The following KCNN2 variants were observed in gnomAD, a reference collection of about 807,000 sequenced individuals.
The protein encoded by KCNN2 is potassium calcium-activated channel subfamily N member 2, also known as small conductance calcium-activated potassium channel protein 2.
KCNN2 carries 24 observed loss-of-function variants against 55.5 expected under a neutral mutation model. The observed-to-expected ratio is 0.43, with a 90% CI of 0.31 to 0.61. The LOEUF is 0.61. Among genes scored for constraint, KCNN2 ranks in the 20% least tolerant of loss-of-function variants. The probability of loss-of-function intolerance (pLI) is 0.08; values close to 1 mark genes in which losing one functional copy is unlikely to be tolerated. For missense variants in KCNN2, 754 were observed against 853.6 expected (o/e 0.88, Z 1.45); for synonymous variants, 431 against 336.1 (o/e 1.28, Z -3.09).
chr5:114,199,400 T>G (rs776325595), intron 1 of KCNN2, among the ~76,000 whole-genome samples: 4 of 152,140 alleles, frequency 2.6e-5, no homozygotes, highest in Non-Finnish European at 5.9e-5. Context: ...AAGTGAAGCA[T>G]TTAATCCATT....
intron 5 of KCNN2, 22 bp from the exon 6 acceptor site, chr5:114,487,028 G>A (rs761304837): frequency 1.2e-6 from 2 of 1,611,920 alleles, no homozygotes; most frequent in African/African-American, 1.3e-5. Flanking sequence ...TTTATCAACT[G>A]CTTTGTTTGT....
intron 1 of KCNN2, among the ~76,000 whole-genome samples, chr5:114,196,972 AT>A (rs1753570493): frequency 6.6e-6 from 1 of 152,100 alleles, no homozygotes; most frequent in South Asian, 2.1e-4. Context: ...TAATAGAAGC[AT>A]TTACAGTTAT....
chr5:114,088,184 C>T (rs1396292132), intron 1 of KCNN2, among the ~76,000 whole-genome samples: 1 of 152,090 alleles, frequency 6.6e-6, no homozygotes. Flanking sequence ...CAGAATTTTA[C>T]AAACAGACAT....
intron 1 of KCNN2, among the ~76,000 whole-genome samples, chr5:114,157,936 T>C (rs1294856228): frequency 6.6e-6 from 1 of 151,904 alleles, no homozygotes; most frequent in Admixed American, 6.6e-5. Context: ...GCAAAAATTT[T>C]CTCCCATTCT....
chr5:114,418,527 A>G (rs118040487), intron 3 of KCNN2, among the ~76,000 whole-genome samples: 1 of 152,210 alleles, frequency 6.6e-6, no homozygotes, highest in East Asian at 1.9e-4. Context: ...GCTCTCAGCA[A>G]CTGTGCAGCT....
chr5:114,230,521 A>G (rs1754338098), intron 2 of KCNN2, among the ~76,000 whole-genome samples: 1 of 95,786 alleles, frequency 1.0e-5, no homozygotes, highest in African/African-American at 3.8e-5. Flanking sequence ...CCTATGAGTG[A>G]GAATATGCGG....
chr5:114,263,696 T>C (rs897148738), intron 2 of KCNN2, among the ~76,000 whole-genome samples: 2 of 152,200 alleles, frequency 1.3e-5, no homozygotes, highest in Admixed American at 6.5e-5. Context: ...GTCTTTATCA[T>C]ATATGGAAAA....
chr5:114,133,998 T>G (rs1448155548), intron 1 of KCNN2, among the ~76,000 whole-genome samples: 2 of 152,214 alleles, frequency 1.3e-5, no homozygotes, highest in Non-Finnish European at 2.9e-5. Context: ...TTATATTGCT[T>G]CTTCTCTGTA....
Position 114,475,623 on chromosome 5 carries a change from T to G in KCNN2, c.1890+2459T>G, listed in dbSNP as rs150314455. ...GAGCTAAAGAATCACATTCGAGTAT[T>G]CCAAAGATTTTAAGCTTTTCCAGTA... On this transcript the variant is annotated intron_variant, in intron 5 of 7. Transcript: ENST00000673685. Among the ~76,000 whole-genome samples the G allele has an allele frequency of 4.2e-3, 634 of 152,056 alleles. 5 individuals are homozygous for G. The highest frequency in any genetic ancestry group is 0.014 in the African/African-American group (601 of 41,570).
At chr5:114,118,777 C>T (rs897585730) in intron 1 of KCNN2, among the ~76,000 whole-genome samples, 4 of 152,160 alleles carry the variant, frequency 2.6e-5, no homozygotes, top group African/African-American at 7.2e-5. Flanking sequence ...CTACTGGATG[C>T]CTATGATTTG....
chr5:114,067,024 C>T (rs1466014478), intron 1 of KCNN2, among the ~76,000 whole-genome samples: 1 of 152,168 alleles, frequency 6.6e-6, no homozygotes, highest in African/African-American at 2.4e-5. Flanking sequence ...CAAACAACTT[C>T]AGCTGCCAGT....
At chr5:114,248,199 G>C (rs1754784668) in intron 2 of KCNN2, among the ~76,000 whole-genome samples, 1 of 152,132 alleles carries the variant, frequency 6.6e-6, no homozygotes, top group South Asian at 2.1e-4. Flanking sequence ...GTATATTAGG[G>C]GGTTAGGATG....
intron 2 of KCNN2, among the ~76,000 whole-genome samples, chr5:114,385,945 G>A (rs1329635777): frequency 6.6e-6 from 1 of 151,726 alleles, no homozygotes; most frequent in Non-Finnish European, 1.5e-5. Flanking sequence ...TTGGGAGGCC[G>A]AGGCGGGCGG....
intron 2 of KCNN2, among the ~76,000 whole-genome samples, chr5:114,356,293 T>A (rs1016657402): frequency 1.3e-5 from 2 of 152,170 alleles, no homozygotes; most frequent in Non-Finnish European, 2.9e-5. Flanking sequence ...TGTTGTGAGA[T>A]GCAAATAAAA....
chr5:114,156,954 A>G (rs866476171), intron 1 of KCNN2, among the ~76,000 whole-genome samples: 3 of 151,828 alleles, frequency 2.0e-5, no homozygotes, highest in South Asian at 2.1e-4. Context: ...GTTATGTAGT[A>G]TACCTCTAAG....
At chr5:114,164,975 G>A (rs2112536282) in intron 1 of KCNN2, among the ~76,000 whole-genome samples, 1 of 152,276 alleles carries the variant, frequency 6.6e-6, no homozygotes, top group African/African-American at 2.4e-5. Flanking sequence ...AGGCACTATT[G>A]TTTTACAGAT....
chr5:114,199,984 C>T (rs1753638949), intron 1 of KCNN2, among the ~76,000 whole-genome samples: 1 of 152,088 alleles, frequency 6.6e-6, no homozygotes, highest in Non-Finnish European at 1.5e-5. Context: ...ACTCTATATG[C>T]TGTGGTGAGG....
chr5:114,270,849 C>T lies in KCNN2; in HGVS notation c.-185+49284C>T, dbSNP rs567217651. Among the ~76,000 whole-genome samples the T allele has an allele frequency of 1.1e-4, 16 of 152,248 alleles. No homozygotes were observed. In the East Asian group the frequency reaches 3.1e-3, roughly 29 times the overall value. ...ATGGTGTGTCCGCAGTTTGTTCTTT[C>T]AGATGTTCAGATGTGTCCACAGTTT... On this transcript the variant is annotated intron_variant, in intron 2 of 10. Coordinates refer to the KCNN2 transcript ENST00000512097.
intron 2 of KCNN2, among the ~76,000 whole-genome samples, chr5:114,253,147 C>A (rs200621834): frequency 8.8e-5 from 2 of 22,636 alleles, no homozygotes; most frequent in Non-Finnish European, 2.1e-4. Context: ...TTTTTTTTTC[C>A]TGCCCTGAGC....
Sources: gnomAD v4.1 joint callset for allele counts (sites outside exome capture counted in the v4.1 genomes callset) on GRCh38, gnomAD v4.1.1 for gene constraint, MANE v1.5 for transcripts, NCBI Gene and HGNC (gene_info 2026-07-23, HGNC 2026-07-21) for gene names.